TOX: variants seen among roughly 807,000 people sequenced by gnomAD.
TOX encodes the protein thymocyte selection associated high mobility group box, also known as thymocyte selection-associated high mobility group box protein TOX.
In TOX, 11 loss-of-function variants were observed where a neutral mutation model predicts 53.7. The observed-to-expected ratio is 0.20, with a 90% confidence interval of 0.13 to 0.34. The LOEUF (loss-of-function observed/expected upper bound fraction) is 0.34, where lower values mean the gene tolerates loss of function less well. TOX is among the 10% of genes least tolerant of loss of function. TOX has a pLI of 1.00. For missense variants in TOX, 570 were observed against 664.6 expected, an observed-to-expected ratio of 0.86 and a Z score of 1.56; for synonymous variants, 225 against 245.3, an observed-to-expected ratio of 0.92 and a Z score of 0.77.
intron 3 of TOX, among the ~76,000 whole-genome samples, chr8:58,927,959 T>C (rs1234275961): frequency 6.6e-6 from 1 of 152,172 alleles, no homozygotes; most frequent in Admixed American, 6.5e-5. Flanking sequence ...CTCATACGGC[T>C]TCTCAAGATC....
chr8:58,826,193 G>A (rs901066903), intron 6 of TOX, among the ~76,000 whole-genome samples: 5 of 152,130 alleles, frequency 3.3e-5, no homozygotes, highest in African/African-American at 7.2e-5. Flanking sequence ...GCCAATTTGC[G>A]ACATGAGATA....
chr8:58,929,909 T>C lies in TOX; in HGVS notation c.411+9393A>G, dbSNP rs975656380. ...TAATTTTACTGATAGTTTTTCTCTATAAAAATAGCCATACTCAGAAAATAA... is the reference window on the plus strand; with the variant it reads ...TAATTTTACTGATAGTTTTTCTCTACAAAAATAGCCATACTCAGAAAATAA... On this transcript the variant is annotated intron_variant, in intron 3 of 8. Transcript: ENST00000361421. 6.1e-4 allele frequency among the ~76,000 whole-genome samples: 93 copies of C among 152,130 alleles called. 1 individual carries two copies. The highest frequency in any genetic ancestry group is 1.7e-3 in the African/African-American group (69 of 41,444).
intron 3 of TOX, among the ~76,000 whole-genome samples, chr8:58,892,681 T>C (rs1015692639): frequency 2.6e-5 from 4 of 152,140 alleles, no homozygotes; most frequent in African/African-American, 9.7e-5. Context: ...AGCCTGTGCA[T>C]GTCAGTTTCT....
intron 1 of TOX, among the ~76,000 whole-genome samples, chr8:59,031,971 T>G (rs564612590): frequency 8.5e-5 from 13 of 152,348 alleles, no homozygotes; most frequent in African/African-American, 3.1e-4. Flanking sequence ...ATCAGTGGCA[T>G]CATCTGACTT....
intron 3 of TOX, among the ~76,000 whole-genome samples, chr8:58,867,537 C>A (rs562245854): frequency 9.2e-5 from 14 of 152,332 alleles, no homozygotes; most frequent in Non-Finnish European, 1.6e-4. Flanking sequence ...TCCTTCCTAA[C>A]CCAAGCATCT....
At chr8:58,914,044 G>A (rs1320140384) in intron 3 of TOX, among the ~76,000 whole-genome samples, 1 of 152,198 alleles carries the variant, frequency 6.6e-6, no homozygotes, top group Non-Finnish European at 1.5e-5. Context: ...CTAAATCATG[G>A]AAACTGGTGT....
chr8:59,048,017 T>C (rs192200324), intron 1 of TOX, among the ~76,000 whole-genome samples: 98 of 152,290 alleles, frequency 6.4e-4, no homozygotes, highest in South Asian at 2.5e-3. Flanking sequence ...ATTATTATAG[T>C]AATGTACCTT....
intron 1 of TOX, among the ~76,000 whole-genome samples, chr8:59,044,746 G>A (rs1234617285): frequency 6.6e-6 from 1 of 152,114 alleles, no homozygotes; most frequent in Non-Finnish European, 1.5e-5. Context: ...CCTGCGTAAA[G>A]ACTGGACAAA....
At chr8:59,011,534 A>C (rs965520502) in intron 1 of TOX, among the ~76,000 whole-genome samples, 5 of 152,172 alleles carry the variant, frequency 3.3e-5, no homozygotes, top group African/African-American at 1.2e-4. Context: ...TCAAGTGTCC[A>C]GCAATCTCTT....
intron 3 of TOX, among the ~76,000 whole-genome samples, chr8:58,880,169 G>T (rs910766121): frequency 6.6e-6 from 1 of 152,206 alleles, no homozygotes; most frequent in Non-Finnish European, 1.5e-5. Context: ...CTTGAGGGTG[G>T]AGGAAAGTCA....
chr8:58,981,439 G>A (rs1431314095), intron 1 of TOX, among the ~76,000 whole-genome samples: 1 of 151,506 alleles, frequency 6.6e-6, no homozygotes, highest in Non-Finnish European at 1.5e-5. Flanking sequence ...CTTACCCTTC[G>A]CCTGGCCTGG....
chr8:58,807,882 G>C (rs1193061353), intron 8 of TOX, 99 bp from the exon 9 acceptor site: 1 of 1,502,870 alleles, frequency 6.7e-7, no homozygotes, highest in Non-Finnish European at 9.2e-7. Context: ...GCTCCAGCTT[G>C]AGCTGTTCAC....
chr8:59,045,137 C>CT (rs1392692041), intron 1 of TOX, among the ~76,000 whole-genome samples: 3 of 152,114 alleles, frequency 2.0e-5, no homozygotes, highest in Non-Finnish European at 4.4e-5. Context: ...CAATTTCATT[C>CT]TTTTTTTCAA....
At chr8:58,854,181 C>T (rs7008234) in intron 3 of TOX, among the ~76,000 whole-genome samples, 5,922 of 152,198 alleles carry the variant, frequency 0.039, 144 homozygotes, top group East Asian at 0.12. Context: ...ATGATCTTTC[C>T]AAAAGTATGT....
chr8:59,088,002 G>A (rs533062371), intron 1 of TOX, among the ~76,000 whole-genome samples: 5 of 152,074 alleles, frequency 3.3e-5, no homozygotes, highest in Non-Finnish European at 7.3e-5. Context: ...ACTGTCATGC[G>A]AATTTATGTA....
intron 5 of TOX, among the ~76,000 whole-genome samples, chr8:58,830,709 A>C (rs2129166212): frequency 6.6e-6 from 1 of 152,194 alleles, no homozygotes; most frequent in East Asian, 1.9e-4. Context: ...GTCATAGTTT[A>C]TTTTAACAGT....
intron 3 of TOX, among the ~76,000 whole-genome samples, chr8:58,854,248 C>G (rs1249841928): frequency 1.3e-5 from 2 of 152,308 alleles, no homozygotes; most frequent in East Asian, 3.9e-4. Flanking sequence ...AAAACACGTA[C>G]AGTCTGTAAC....
intron 3 of TOX, among the ~76,000 whole-genome samples, chr8:58,876,618 A>G (rs987041611): frequency 1.3e-5 from 2 of 152,162 alleles, no homozygotes; most frequent in Non-Finnish European, 2.9e-5. Flanking sequence ...CAAAGAGGAC[A>G]TAGGGAATTG....
intron 5 of TOX, among the ~76,000 whole-genome samples, chr8:58,834,114 T>C (rs1368708865): frequency 6.6e-6 from 1 of 152,204 alleles, no homozygotes; most frequent in Non-Finnish European, 1.5e-5. Context: ...CCTCTGGCTG[T>C]CAAGAAAACA....
Sources: gnomAD v4.1 joint callset for allele counts (sites outside exome capture counted in the v4.1 genomes callset) on GRCh38, gnomAD v4.1.1 for gene constraint, MANE v1.5 for transcripts, NCBI Gene and HGNC (gene_info 2026-07-23, HGNC 2026-07-21) for gene names.